WNK3: variants seen among roughly 807,000 people sequenced by gnomAD.
WNK3 encodes the protein WNK lysine deficient protein kinase 3, also known as serine/threonine-protein kinase WNK3.
WNK3 carries 18 observed loss-of-function variants against 116.7 expected under a neutral mutation model. The ratio of observed to expected loss-of-function variants is 0.15; its 90% CI spans 0.11 to 0.23. The LOEUF (loss-of-function observed/expected upper bound fraction) is 0.23. Among genes scored for constraint, WNK3 ranks in the 10% least tolerant of loss-of-function variants. The pLI is 1.00. For synonymous variants in WNK3, 404 were observed against 469.4 expected, an observed-to-expected ratio of 0.86 and a Z score of 1.80; for missense variants, 993 against 1,323.8, an observed-to-expected ratio of 0.75 and a Z score of 3.88.
At chrX:54,312,379 G>T (rs1245919938) in intron 2 of WNK3, among the ~76,000 whole-genome samples, 1 of 111,245 alleles carries the variant, frequency 9.0e-6, no homozygotes, top group Non-Finnish European at 1.9e-5. Flanking sequence ...TATCAAAGTT[G>T]TACATGACAT....
rs782515737 is a variant in WNK3 at position 54,330,372 on chromosome X, A to AAAACAAAC, written c.537+2757_537+2764dup. On this transcript the variant is annotated intron_variant, in intron 2 of 23. Transcript: ENST00000354646. ...TGGGCAACAGAGCAAGACTCCGTCT[A>AAAACAAAC]AAACAAACAAACAAACAAACAAACA... 2.7e-5 allele frequency among the ~76,000 whole-genome samples: 3 copies of AAAACAAAC among 109,955 alleles called. No homozygotes were observed. The Admixed American group carries it at 2.9e-4, about 11-fold the overall frequency.
At chrX:54,257,759 C>T (rs1487993642) in intron 11 of WNK3, among the ~76,000 whole-genome samples, 2 of 86,505 alleles carry the variant, frequency 2.3e-5, no homozygotes, top group South Asian at 6.3e-4. Context: ...CATTGCATTC[C>T]AGCCTGGGCA....
At chrX:54,253,100 T>C (rs1229822446) in intron 13 of WNK3, among the ~76,000 whole-genome samples, 1 of 109,604 alleles carries the variant, frequency 9.1e-6, no homozygotes, top group Non-Finnish European at 1.9e-5. Flanking sequence ...CATTTACCTT[T>C]ACATCATTCT....
exon 8 of WNK3, chrX:54,294,610 G>A (rs781992551): frequency 3.3e-6 from 4 of 1,204,234 alleles, no homozygotes; most frequent in Non-Finnish European, 3.4e-6. Flanking sequence ...TGTCTAACAT[G>A]TTGATCAACT....
chrX:54,224,581 T>C (rs75713543), intron 22 of WNK3, among the ~76,000 whole-genome samples: 1 of 109,277 alleles, frequency 9.2e-6, no homozygotes, highest in East Asian at 2.9e-4. Flanking sequence ...TTTTTTTTTT[T>C]CTTTTTGAGA....
exon 21 of WNK3, chrX:54,232,835 T>A: frequency 8.3e-7 from 1 of 1,211,884 alleles, no homozygotes; most frequent in Non-Finnish European, 1.1e-6. Context: ...ATTGTCCACA[T>A]GTGTCAAGGA....
At chrX:54,304,495 C>T (rs183743485) in intron 5 of WNK3, among the ~76,000 whole-genome samples, 3 of 108,190 alleles carry the variant, frequency 2.8e-5, no homozygotes, top group African/African-American at 1.0e-4. Flanking sequence ...GAGCCAAGAT[C>T]GTACCACTGT....
intron 10 of WNK3, among the ~76,000 whole-genome samples, chrX:54,264,183 A>G (rs1414997487): frequency 9.1e-6 from 1 of 109,730 alleles, no homozygotes; most frequent in Non-Finnish European, 1.9e-5. Flanking sequence ...AAATACAAAA[A>G]TTAGCCAGAT....
At chrX:54,310,600 TA>T (rs11305396) in intron 3 of WNK3, among the ~76,000 whole-genome samples, 34,751 of 110,573 alleles carry the variant, frequency 0.31, 8,499 homozygotes, top group African/African-American at 0.85. Context: ...TTCTCTATAA[TA>T]GATTTTTAAT....
intron 10 of WNK3, among the ~76,000 whole-genome samples, chrX:54,291,240 G>C (rs2068635955): frequency 9.0e-6 from 1 of 110,763 alleles, no homozygotes; most frequent in Non-Finnish European, 1.9e-5. Flanking sequence ...TTGAACCCGG[G>C]AGGCGGAGGT....
In WNK3 at chrX:54,346,683, T is replaced by C. The variant is rs1365482232; in HGVS notation, c.-120+11003A>G. Among the ~76,000 whole-genome samples, 4 of 110,325 alleles carry C rather than the reference T, an allele frequency of 3.6e-5. No homozygotes were observed. The East Asian group carries it at 1.1e-3, about 31-fold the overall frequency. On this transcript the variant is annotated intron_variant, in intron 1 of 23. Transcript: ENST00000354646. ...AATCAAAGTTCTGCCTTTCAATCCT[T>C]GGAAGAGATTTCGGGCAAATTAGTT...
At chrX:54,347,669 TATATATATACACATATATATATATACAC>T (rs1231950065) in intron 1 of WNK3, among the ~76,000 whole-genome samples, 4 of 101,409 alleles carry the variant, frequency 3.9e-5, no homozygotes, top group Admixed American at 1.1e-4. Flanking sequence ...AAAAGACATA[TATATATATACACATATATATATATACAC>T]ATATATATAT....
rs782158806 is a variant in WNK3 at position 54,239,086 on chromosome X, T to G, written c.3665A>C (p.Asp1222Ala). Residue 1222 changes from aspartate (D) to alanine (A), a missense_variant, in exon 18 of 24, where the codon GAT becomes GCT. Asp to Ala is a moderately radical substitution (Grantham distance 126). Coordinates refer to ENST00000354646, the Ensembl canonical transcript of WNK3. ...CTCTGGATCCCCTGGAAGTGAAGCATCTGAGGACATCTCCTAATGGAGACA... is the reference window on the plus strand; with the variant it reads ...CTCTGGATCCCCTGGAAGTGAAGCAGCTGAGGACATCTCCTAATGGAGACA... 8.8e-7 allele frequency: 1 copy of G among 1,138,502 alleles called. No homozygotes were observed. The highest frequency in any genetic ancestry group is 2.6e-5 in the Admixed American group (1 of 38,022). The allele number at this position is 1,138,502 out of a possible 1,213,427, so 93.8% of individuals were successfully genotyped here.
At chrX:54,292,655 G>A (rs781951087) in intron 10 of WNK3, among the ~76,000 whole-genome samples, 2 of 98,721 alleles carry the variant, frequency 2.0e-5, no homozygotes, top group Non-Finnish European at 4.0e-5. Flanking sequence ...GCGGTGAGCC[G>A]AGATTGCACC....
At chrX:54,232,193 G>T (rs1190248134) in intron 21 of WNK3, among the ~76,000 whole-genome samples, 26 of 107,975 alleles carry the variant, frequency 2.4e-4, no homozygotes, top group African/African-American at 8.8e-4. Context: ...CCAGGCTGGA[G>T]TGCAATGGCA....
At chrX:54,243,265 A>C (rs2068041441) in intron 17 of WNK3, among the ~76,000 whole-genome samples, 1 of 107,976 alleles carries the variant, frequency 9.3e-6, no homozygotes, top group Admixed American at 1.0e-4. Flanking sequence ...AAATACAAAA[A>C]AAAAAATTAG....
At chrX:54,224,082 A>G (rs782333049) in intron 22 of WNK3, 85 of 117,374 alleles carry the variant, frequency 7.2e-4, no homozygotes, top group Non-Finnish European at 1.2e-3. Flanking sequence ...GGCCAGGCGC[A>G]GTGGCTCACG....
At chrX:54,285,373 C>T (rs2068568528) in intron 10 of WNK3, among the ~76,000 whole-genome samples, 1 of 112,151 alleles carries the variant, frequency 8.9e-6, no homozygotes, top group Non-Finnish European at 1.9e-5. Flanking sequence ...CACCACTACA[C>T]TCCAGCCTGG....
chrX:54,335,101 A>T (rs1376175300), intron 1 of WNK3, among the ~76,000 whole-genome samples: 1 of 110,025 alleles, frequency 9.1e-6, no homozygotes, highest in Non-Finnish European at 1.9e-5. Flanking sequence ...GACTCTACTA[A>T]AAATACAAAA....
Sources: gnomAD v4.1 joint callset for allele counts (sites outside exome capture counted in the v4.1 genomes callset) on GRCh38, gnomAD v4.1.1 for gene constraint, MANE v1.5 for transcripts, NCBI Gene and HGNC (gene_info 2026-07-23, HGNC 2026-07-21) for gene names.